ASTN1: variants seen among roughly 807,000 people sequenced by gnomAD.
ASTN1 encodes the protein astrotactin-1.
A neutral mutation model predicts 140.7 loss-of-function variants in ASTN1; 41 were observed. The observed-to-expected ratio is 0.29, with a 90% CI of 0.23 to 0.38. The LOEUF is 0.38. Ranked by LOEUF, ASTN1 falls within the 10% of genes least tolerant of loss-of-function variation. The pLI is 1.00. For missense variants in ASTN1, 1,479 were observed against 1,678.8 expected (o/e 0.88, Z 2.08); for synonymous variants, 640 against 652.2 (o/e 0.98, Z 0.29).
intron 2 of ASTN1, among the ~76,000 whole-genome samples, chr1:177,053,095 T>C (rs1677621612): frequency 6.6e-6 from 1 of 152,236 alleles, no homozygotes. Context: ...GAGGGCTTAG[T>C]GAGCAATAGC....
chr1:176,963,300 C>A (rs916518964), intron 9 of ASTN1, among the ~76,000 whole-genome samples: 3 of 152,070 alleles, frequency 2.0e-5, no homozygotes, highest in African/African-American at 7.2e-5. Context: ...AATAAGTAGC[C>A]AATTACAGTC....
chr1:176,927,256 C>T (rs1014677168), intron 16 of ASTN1, among the ~76,000 whole-genome samples: 8 of 152,078 alleles, frequency 5.3e-5, no homozygotes, highest in Admixed American at 1.3e-4. Flanking sequence ...ATGTGGATTA[C>T]GAACGAGAAT....
In ASTN1 at chr1:177,082,147, G is replaced by A. The variant is rs924552507; in HGVS notation, c.284-20882C>T. Among the ~76,000 whole-genome samples, 3 of 152,178 alleles carry A rather than the reference G, an allele frequency of 2.0e-5. No individual in the cohort carries two copies. In the East Asian group the frequency reaches 5.8e-4, roughly 29 times the overall value. ...ACATTTAAATGGACATGTCAGAAGT[G>A]CATAGGAAAATTCTTGTCTAAAGGC... On this transcript the variant is annotated intron_variant, in intron 1 of 22. Transcript: ENST00000361833.
At chr1:177,145,813 A>G (rs1682695945) in intron 1 of ASTN1, among the ~76,000 whole-genome samples, 1 of 152,226 alleles carries the variant, frequency 6.6e-6, no homozygotes, top group Non-Finnish European at 1.5e-5. Flanking sequence ...AAGTGCTGCT[A>G]CATTCACATG....
chr1:177,080,577 G>T (rs566042292), intron 1 of ASTN1, among the ~76,000 whole-genome samples: 1 of 152,288 alleles, frequency 6.6e-6, no homozygotes, highest in African/African-American at 2.4e-5. Flanking sequence ...GAGGTTAATT[G>T]ACTTTCTCAA....
At chr1:177,006,787 C>G (rs553451069) in intron 8 of ASTN1, among the ~76,000 whole-genome samples, 6 of 152,260 alleles carry the variant, frequency 3.9e-5, no homozygotes, top group South Asian at 2.1e-4. Flanking sequence ...GAGCCTCCCC[C>G]CTCCTCTGGG....
At chr1:177,023,675 G>T in intron 6 of ASTN1, 104 bp from the exon 7 acceptor site, 1 of 1,249,110 alleles carries the variant, frequency 8.0e-7, no homozygotes. Flanking sequence ...GTACCAATCA[G>T]AGATCCTAAC....
At chr1:176,932,016 G>A (rs1443376071) in intron 16 of ASTN1, among the ~76,000 whole-genome samples, 1 of 152,220 alleles carries the variant, frequency 6.6e-6, no homozygotes, top group Non-Finnish European at 1.5e-5. Context: ...CCAGATAAGT[G>A]ATTGACTAAA....
intron 16 of ASTN1, among the ~76,000 whole-genome samples, chr1:176,920,244 A>G (rs1670670066): frequency 6.6e-6 from 1 of 152,080 alleles, no homozygotes; most frequent in South Asian, 2.1e-4. Context: ...TTAGGAGGAG[A>G]TAAGGGTGAC....
chr1:177,099,793 A>C (rs2102126649), intron 1 of ASTN1, among the ~76,000 whole-genome samples: 1 of 152,308 alleles, frequency 6.6e-6, no homozygotes, highest in Non-Finnish European at 1.5e-5. Flanking sequence ...TTATCTAAGA[A>C]GGCCCATGAA....
At chr1:176,911,512 C>T (rs1252565484) in intron 16 of ASTN1, among the ~76,000 whole-genome samples, 3 of 151,948 alleles carry the variant, frequency 2.0e-5, no homozygotes, top group Non-Finnish European at 4.4e-5. Context: ...ATTGTATATG[C>T]TTTTCTCTAT....
At chr1:177,075,418 T>C in intron 1 of ASTN1, among the ~76,000 whole-genome samples, 1 of 26,028 alleles carries the variant, frequency 3.8e-5, no homozygotes, top group East Asian at 1.0e-3. Flanking sequence ...AAAGGTTTCA[T>C]TCATCAAAAA....
chr1:177,023,312 G>A (rs1675921107), intron 7 of ASTN1, 92 bp downstream of exon 7: 5 of 1,448,884 alleles, frequency 3.5e-6, no homozygotes, highest in Non-Finnish European at 4.6e-6. Context: ...AGTGGGACGG[G>A]GAGTTGGGAG....
At chr1:177,089,083 G>A (rs1272578256) in intron 1 of ASTN1, among the ~76,000 whole-genome samples, 2 of 152,116 alleles carry the variant, frequency 1.3e-5, no homozygotes, top group Non-Finnish European at 1.5e-5. Flanking sequence ...AAGCAAGAGA[G>A]GACGCTGATT....
rs227525 is a variant in ASTN1, at chr1:177,116,994, G to C, written c.283+47400C>G. 8.9e-3 allele frequency among the ~76,000 whole-genome samples: 1,354 copies of C among 152,140 alleles called. 29 individuals carry two copies. The highest frequency in any genetic ancestry group is 0.031 in the African/African-American group (1,297 of 41,482). ...GACTCCCACCTTCATAACTCTAGTT[G>C]CATGTCTCACACTGAGCTCTACCTG... On this transcript the variant is annotated intron_variant, in intron 1 of 22. Transcript: ENST00000361833.
chr1:177,136,229 T>C (rs1404065620), intron 1 of ASTN1, among the ~76,000 whole-genome samples: 1 of 152,232 alleles, frequency 6.6e-6, no homozygotes, highest in Non-Finnish European at 1.5e-5. Flanking sequence ...ATATCCCAGC[T>C]GGATTGCCTT....
At chr1:176,956,522 A>G (rs1571564535) in intron 11 of ASTN1, among the ~76,000 whole-genome samples, 2 of 152,320 alleles carry the variant, frequency 1.3e-5, no homozygotes, top group East Asian at 3.9e-4. Flanking sequence ...CACAGCTGTC[A>G]GACTGGAAAG....
At chr1:177,008,152 C>T (rs1047798116) in intron 8 of ASTN1, among the ~76,000 whole-genome samples, 3 of 152,314 alleles carry the variant, frequency 2.0e-5, no homozygotes, top group Non-Finnish European at 2.9e-5. Flanking sequence ...CTTTCAAGCA[C>T]TCAGTTCCTG....
At chr1:177,002,562 T>C (rs79593606) in intron 8 of ASTN1, among the ~76,000 whole-genome samples, 118 of 152,308 alleles carry the variant, frequency 7.7e-4, no homozygotes, top group African/African-American at 2.6e-3. Context: ...TGTTTTGTTT[T>C]TTTCTAGATT....
Sources: allele counts gnomAD v4.1 joint callset (sites outside exome capture counted in the v4.1 genomes callset), GRCh38; gene constraint gnomAD v4.1.1; transcripts MANE v1.5; gene names NCBI Gene and HGNC (gene_info 2026-07-23, HGNC 2026-07-21).